CCR5AS: variants seen among roughly 807,000 people sequenced by gnomAD.
The protein encoded by CCR5AS is CCR5 antisense RNA.
At chr3:46,373,223 C>CTA (rs1249868905) in intron 2 of CCR5AS, 4 of 1,614,052 alleles carry the variant, frequency 2.5e-6, no homozygotes, top group Non-Finnish European at 3.4e-6. Context: ...TGACAGGGCT[C>CTA]TATTTTATAG....
At chr3:46,385,209 A>G (rs1037915982) in intron 2 of CCR5AS, among the ~76,000 whole-genome samples, 1 of 152,202 alleles carries the variant, frequency 6.6e-6, no homozygotes. Context: ...TGCAATGTCT[A>G]TGTCAAGCTG....
At chr3:46,380,846 C>A (rs1418931678) in intron 2 of CCR5AS, among the ~76,000 whole-genome samples, 1 of 152,204 alleles carries the variant, frequency 6.6e-6, no homozygotes, top group Non-Finnish European at 1.5e-5. Flanking sequence ...TGTAGAAGCT[C>A]CCCAGGTGAT....
At chr3:46,374,722 C>T (rs1701728745) in intron 2 of CCR5AS, 1 of 167,128 alleles carries the variant, frequency 6.0e-6, no homozygotes, top group Non-Finnish European at 1.5e-5. Context: ...GGCATTGCTC[C>T]GTCTAAGTCA....
intron 2 of CCR5AS, among the ~76,000 whole-genome samples, chr3:46,387,998 T>G (rs1250246700): frequency 6.6e-6 from 1 of 152,186 alleles, no homozygotes; most frequent in Non-Finnish European, 1.5e-5. Flanking sequence ...TGGTGGAATG[T>G]CATCAGTTAA....
At chr3:46,365,579 G>A (rs903846049) in intron 3 of CCR5AS, among the ~76,000 whole-genome samples, 1 of 152,266 alleles carries the variant, frequency 6.6e-6, no homozygotes. Context: ...ACCAAGGTGT[G>A]CCTGAACCTC....
At chr3:46,406,403 C>T (rs760487288) in intron 1 of CCR5AS, among the ~76,000 whole-genome samples, 2 of 151,976 alleles carry the variant, frequency 1.3e-5, no homozygotes, top group Non-Finnish European at 2.9e-5. Context: ...GTTCGTCCTT[C>T]TTCCAGACCG....
chr3:46,404,032 G>A (rs1436370276), intron 1 of CCR5AS, among the ~76,000 whole-genome samples: 3 of 152,218 alleles, frequency 2.0e-5, no homozygotes, highest in African/African-American at 7.2e-5. Context: ...GACTCACAAA[G>A]CAGAACACAG....
intron 1 of CCR5AS, among the ~76,000 whole-genome samples, chr3:46,399,042 C>T (rs1466094671): frequency 6.6e-6 from 1 of 151,922 alleles, no homozygotes; most frequent in Non-Finnish European, 1.5e-5. Flanking sequence ...AGTCTGCTAT[C>T]CTGCTTTACT....
At chr3:46,368,134 G>C (rs1024703175) in intron 3 of CCR5AS, among the ~76,000 whole-genome samples, 17 of 152,172 alleles carry the variant, frequency 1.1e-4, no homozygotes, top group Non-Finnish European at 2.2e-4. Context: ...GCAATGCTTG[G>C]AACATAGGTG....
intron 2 of CCR5AS, among the ~76,000 whole-genome samples, chr3:46,383,330 C>A (rs1247522961): frequency 6.6e-6 from 1 of 152,194 alleles, no homozygotes. Flanking sequence ...TAGCTCAAAG[C>A]AAACTGAGAG....
chr3:46,381,350 C>A (rs1055937965), intron 2 of CCR5AS, among the ~76,000 whole-genome samples: 1 of 152,178 alleles, frequency 6.6e-6, no homozygotes, highest in East Asian at 1.9e-4. Context: ...TCCTGAAGAA[C>A]TGGGAACTCA....
Position 46,368,489 on chromosome 3 carries a change from G to C in CCR5AS, n.565+2755C>G, listed in dbSNP as rs1243046777. 2.0e-5 allele frequency among the ~76,000 whole-genome samples: 3 copies of C among 152,282 alleles called. No individual in the cohort carries two copies. In the South Asian group the frequency reaches 6.2e-4, roughly 32 times the overall value. On this transcript the variant is annotated intron_variant and non_coding_transcript_variant, in intron 3 of 3. Transcript: ENST00000451485. ...GTGAATCCTTGGGCTGAACCCCCCT[G>C]TCCTGAGTGGTTACTAGAACACACC... is the stretch of plus-strand genomic sequence containing the variant.
intron 2 of CCR5AS, among the ~76,000 whole-genome samples, chr3:46,377,008 T>G (rs753168329): frequency 1.1e-4 from 17 of 151,852 alleles, no homozygotes; most frequent in Non-Finnish European, 2.4e-4. Flanking sequence ...AAAGGTAGAA[T>G]GAACCAAGGA....
intron 3 of CCR5AS, among the ~76,000 whole-genome samples, chr3:46,367,269 A>G (rs566889798): frequency 1.3e-5 from 2 of 152,186 alleles, no homozygotes; most frequent in African/African-American, 4.8e-5. Flanking sequence ...AAGCTGTACC[A>G]CTAAGTGTGT....
intron 1 of CCR5AS, among the ~76,000 whole-genome samples, chr3:46,403,743 G>A (rs974314535): frequency 6.6e-6 from 1 of 152,190 alleles, no homozygotes; most frequent in African/African-American, 2.4e-5. Flanking sequence ...CCTCTGGCGA[G>A]GAAGACGCTC....
At chr3:46,364,156 T>C (rs1701579069), downstream of CCR5AS, among the ~76,000 whole-genome samples, 1 of 152,250 alleles carries the variant, frequency 6.6e-6, no homozygotes, top group Admixed American at 6.5e-5. Context: ...AACAGTCTTA[T>C]GTTGGAAGAA....
At chr3:46,395,289 G>A (rs888350850) in intron 1 of CCR5AS, among the ~76,000 whole-genome samples, 2 of 152,128 alleles carry the variant, frequency 1.3e-5, no homozygotes. Flanking sequence ...AGTGTCAGGG[G>A]AAGCTGGATG....
chr3:46,384,067 CA>C (rs1701837463), intron 2 of CCR5AS, among the ~76,000 whole-genome samples: 1 of 152,128 alleles, frequency 6.6e-6, no homozygotes, highest in South Asian at 2.1e-4. Context: ...GTTTAATAGG[CA>C]AAAGAAAGAG....
intron 3 of CCR5AS, among the ~76,000 whole-genome samples, chr3:46,368,327 G>C (rs1014902098): frequency 6.6e-6 from 1 of 152,194 alleles, no homozygotes; most frequent in Admixed American, 6.5e-5. Context: ...CAAACTGAGA[G>C]GGACAAAGTA....
Sources: gnomAD v4.1 joint callset for allele counts (sites outside exome capture counted in the v4.1 genomes callset) on GRCh38, gnomAD v4.1.1 for gene constraint, MANE v1.5 for transcripts, NCBI Gene and HGNC (gene_info 2026-07-23, HGNC 2026-07-21) for gene names.